The following RALYL variants were observed in gnomAD, a reference collection of about 807,000 sequenced individuals.
RALYL encodes RALY RNA binding protein like, also known as RNA-binding Raly-like protein.
A neutral mutation model predicts 35.1 loss-of-function variants in RALYL; 29 were observed. The observed-to-expected ratio is 0.83, with a 90% CI of 0.61 to 1.13. The LOEUF (loss-of-function observed/expected upper bound fraction) is 1.13. Among genes scored for constraint, RALYL ranks in the 50% most tolerant of loss-of-function variants. RALYL has a pLI of 0.00. For missense variants in RALYL, 359 were observed against 360.4 expected, an observed-to-expected ratio of 1.00 and a Z score of 0.03; for synonymous variants, 120 against 127.6, an observed-to-expected ratio of 0.94 and a Z score of 0.40.
At chr8:84,343,470 C>G (rs1586461135) in intron 1 of RALYL, among the ~76,000 whole-genome samples, 1 of 151,874 alleles carries the variant, frequency 6.6e-6, no homozygotes, top group East Asian at 1.9e-4. Flanking sequence ...ACAAAATAAG[C>G]CGTCTTATAT....
At chr8:84,822,754 A>C (rs1463990619) in intron 4 of RALYL, among the ~76,000 whole-genome samples, 1 of 152,192 alleles carries the variant, frequency 6.6e-6, no homozygotes, top group Non-Finnish European at 1.5e-5. Context: ...TGCAATGCAC[A>C]TTGTTTTTAA....
At chr8:84,191,277 G>C (rs962913834) in intron 1 of RALYL, among the ~76,000 whole-genome samples, 1 of 151,682 alleles carries the variant, frequency 6.6e-6, no homozygotes, top group Non-Finnish European at 1.5e-5. Flanking sequence ...TAGCTAAATT[G>C]ATTTGAAATT....
At chr8:84,890,838 A>G (rs1843714709) in intron 8 of RALYL, among the ~76,000 whole-genome samples, 3 of 152,082 alleles carry the variant, frequency 2.0e-5, no homozygotes, top group African/African-American at 7.2e-5. Flanking sequence ...TTAGGATATT[A>G]GTAAAAAAAT....
chr8:84,781,198 A>T (rs927757217), intron 3 of RALYL, among the ~76,000 whole-genome samples: 2 of 152,108 alleles, frequency 1.3e-5, no homozygotes, highest in African/African-American at 4.8e-5. Context: ...AGCTATGATG[A>T]TGTTGCTAAA....
chr8:84,612,730 C>A (rs1818587843), intron 2 of RALYL, among the ~76,000 whole-genome samples: 1 of 151,498 alleles, frequency 6.6e-6, no homozygotes, highest in African/African-American at 2.4e-5. Context: ...TGAGTTGGTG[C>A]AAAATGGAAA....
chr8:84,853,842 T>C lies in RALYL; in HGVS notation c.413+3815T>C, dbSNP rs1047513454. Among the ~76,000 whole-genome samples the C allele has an allele frequency of 1.2e-4, 18 of 152,234 alleles. No homozygotes were observed. In the South Asian group the frequency reaches 1.2e-3, roughly 11 times the overall value. On this transcript the variant is annotated intron_variant, in intron 5 of 8. Transcript: ENST00000521268. ...GTCTTCTTGCATTTGTGTTTTCTTT[T>C]TCTCTCTCTCTTTTAGCAGAGGTGC... is the stretch of plus-strand genomic sequence containing the variant.
At chr8:84,271,195 A>T (rs1834243989) in intron 1 of RALYL, among the ~76,000 whole-genome samples, 1 of 152,078 alleles carries the variant, frequency 6.6e-6, no homozygotes, top group African/African-American at 2.4e-5. Flanking sequence ...AGGAATTGCC[A>T]CTAAAATACA....
chr8:84,390,289 T>G (rs1415594509), intron 1 of RALYL, among the ~76,000 whole-genome samples: 1 of 152,102 alleles, frequency 6.6e-6, no homozygotes, highest in Non-Finnish European at 1.5e-5. Flanking sequence ...TCAAGGATAT[T>G]GGTCCAAAAT....
rs1845049268 is a variant in RALYL, at chr8:84,322,465, A to G, written c.-24+138041A>G. ...GGGTTCTGTTCCCAGCACATTATAT[A>G]CATGACTTGATTTAATCATCTTCCA... On this transcript the variant is annotated intron_variant, in intron 1 of 8. Transcript: ENST00000521268. 2.0e-5 allele frequency among the ~76,000 whole-genome samples: 3 copies of G among 152,156 alleles called. No homozygotes were observed. In the South Asian group the frequency reaches 6.2e-4, roughly 31 times the overall value.
intron 2 of RALYL, among the ~76,000 whole-genome samples, chr8:84,585,436 T>C (rs1364437751): frequency 6.6e-6 from 1 of 152,182 alleles, no homozygotes; most frequent in Non-Finnish European, 1.5e-5. Flanking sequence ...ATAGTATACA[T>C]GAATTATGGG....
At chr8:84,508,691 G>A (rs2057370167) in intron 1 of RALYL, among the ~76,000 whole-genome samples, 1 of 151,726 alleles carries the variant, frequency 6.6e-6, no homozygotes, top group Admixed American at 6.6e-5. Context: ...ATTTTTCCAA[G>A]CGTTTATGAT....
At chr8:84,520,431 T>G (rs1181673565) in intron 1 of RALYL, among the ~76,000 whole-genome samples, 1 of 152,236 alleles carries the variant, frequency 6.6e-6, no homozygotes, top group Non-Finnish European at 1.5e-5. Context: ...ATCTTACTTC[T>G]TTAAGTCTCT....
rs780154472 is a variant in RALYL at position 84,862,381 on chromosome 8, C to T, written c.499C>T (p.Arg167Cys). ...TCCCAGAGTGGCAGTCACAACGACT[C>T]GCAGGGGGAAAGGAGTCTTTTCCAT... ...KRPRVAVTTT[R>C]RGKGVFSMKG... The change falls in exon 6 of 9, where the codon CGC (arginine) becomes TGC (cysteine). Residue 167 changes from arginine to cysteine, a missense_variant. By Grantham distance (180) the Arg-to-Cys change is radical (BLOSUM62 -3). Transcript: ENST00000521268. The T allele has an allele frequency of 5.5e-5, 88 of 1,607,158 alleles. No homozygotes were observed. Among genetic ancestry groups the T allele is most frequent in the South Asian group, 7.8e-5 (7 of 89,978 alleles).
intron 2 of RALYL, among the ~76,000 whole-genome samples, chr8:84,562,111 A>G (rs558970946): frequency 6.6e-6 from 1 of 152,074 alleles, no homozygotes; most frequent in South Asian, 2.1e-4. Flanking sequence ...AGGGATTAAA[A>G]ATGCAAACTC....
chr8:84,609,380 C>T (rs1817812246), intron 2 of RALYL, among the ~76,000 whole-genome samples: 2 of 152,086 alleles, frequency 1.3e-5, no homozygotes, highest in African/African-American at 2.4e-5. Flanking sequence ...TAATTATATA[C>T]GTGAAAGTAT....
At chr8:84,736,732 C>T (rs1249838229) in intron 2 of RALYL, among the ~76,000 whole-genome samples, 5 of 152,010 alleles carry the variant, frequency 3.3e-5, no homozygotes, top group African/African-American at 1.2e-4. Flanking sequence ...CAATATTCAA[C>T]CACTTCTTAT....
intron 2 of RALYL, among the ~76,000 whole-genome samples, chr8:84,768,315 A>G (rs893466388): frequency 6.6e-6 from 1 of 152,172 alleles, no homozygotes; most frequent in Non-Finnish European, 1.5e-5. Context: ...ATTGTCCTGA[A>G]TACCCAATTA....
intron 1 of RALYL, among the ~76,000 whole-genome samples, chr8:84,519,153 T>C (rs936214624): frequency 6.6e-6 from 1 of 152,224 alleles, no homozygotes; most frequent in Non-Finnish European, 1.5e-5. Context: ...AGTTCATTAA[T>C]GTGAACTGTC....
chr8:84,877,844 C>T (rs1362168082), intron 7 of RALYL, among the ~76,000 whole-genome samples: 2 of 152,160 alleles, frequency 1.3e-5, no homozygotes, highest in Admixed American at 6.5e-5. Context: ...AACATGACTA[C>T]CATTTCTGTT....
Sources: gnomAD v4.1 joint callset for allele counts (sites outside exome capture counted in the v4.1 genomes callset) on GRCh38, gnomAD v4.1.1 for gene constraint, MANE v1.5 for transcripts, NCBI Gene and HGNC (gene_info 2026-07-23, HGNC 2026-07-21) for gene names.